Variants in MCF2L2 observed in about 807,000 individuals in gnomAD.
MCF2L2 encodes the protein probable guanine nucleotide exchange factor MCF2L2.
In MCF2L2, 102 loss-of-function variants were observed where a neutral mutation model predicts 150.2. The observed-to-expected ratio is 0.68, with a 90% CI of 0.58 to 0.80. MCF2L2 has a LOEUF of 0.80. Ranked by LOEUF, MCF2L2 falls within the 30% of genes least tolerant of loss-of-function variation. The pLI, the probability that MCF2L2 is intolerant of heterozygous loss-of-function variation, is 0.00. For missense variants in MCF2L2, 1,256 were observed against 1,372.8 expected (o/e 0.91, Z 1.34); for synonymous variants, 465 against 491.3 (o/e 0.95, Z 0.71).
intron 1 of MCF2L2, among the ~76,000 whole-genome samples, chr3:183,396,803 G>A (rs1714489894): frequency 6.6e-6 from 1 of 152,126 alleles, no homozygotes; most frequent in Admixed American, 6.5e-5. Flanking sequence ...GATGAGAAAG[G>A]AGGTTAGACA....
intron 24 of MCF2L2, 49 bp downstream of exon 24, chr3:183,206,073 A>G: frequency 6.3e-7 from 1 of 1,578,348 alleles, no homozygotes; most frequent in Non-Finnish European, 8.7e-7. Flanking sequence ...TCATGGGAAC[A>G]CAATAAGGAA....
chr3:183,381,957 T>G (rs1713551862), intron 2 of MCF2L2, among the ~76,000 whole-genome samples: 1 of 152,196 alleles, frequency 6.6e-6, no homozygotes, highest in African/African-American at 2.4e-5. Context: ...AATTGCATAA[T>G]CAACATTTGC....
intron 15 of MCF2L2, among the ~76,000 whole-genome samples, chr3:183,238,242 A>ATTTTT (rs539424224): frequency 8.9e-6 from 1 of 112,794 alleles, no homozygotes. Context: ...TTTTTTTGCG[A>ATTTTT]TTTTTTTTTT....
chr3:183,335,277 T>A (rs1730430888), intron 5 of MCF2L2, among the ~76,000 whole-genome samples: 3 of 152,086 alleles, frequency 2.0e-5, no homozygotes, highest in African/African-American at 7.2e-5. Context: ...ATATATTGTG[T>A]ATGGATCTCT....
At chr3:183,214,255 T>C (rs189985490) in intron 22 of MCF2L2, among the ~76,000 whole-genome samples, 405 of 152,284 alleles carry the variant, frequency 2.7e-3, no homozygotes, top group African/African-American at 9.1e-3. Flanking sequence ...TAACAAATTG[T>C]TCCCTTGACT....
intron 25 of MCF2L2, among the ~76,000 whole-genome samples, chr3:183,202,419 G>A (rs1182348266): frequency 6.6e-6 from 1 of 152,194 alleles, no homozygotes. Context: ...GACTCTAGAA[G>A]ACCATGCACA....
chr3:183,225,803 G>A (rs1004307803), intron 18 of MCF2L2: 2 of 152,194 alleles, frequency 1.3e-5, no homozygotes, highest in Non-Finnish European at 2.9e-5. Context: ...TATTGTCAAA[G>A]CACTTTTTAC....
At chr3:183,361,563 G>A (rs975305161) in intron 3 of MCF2L2, among the ~76,000 whole-genome samples, 2 of 152,048 alleles carry the variant, frequency 1.3e-5, no homozygotes, top group Non-Finnish European at 2.9e-5. Context: ...CTTCCCCTTC[G>A]CCTTCCACTG....
At chr3:183,317,704 C>G (rs1729656082) in intron 7 of MCF2L2, among the ~76,000 whole-genome samples, 1 of 152,174 alleles carries the variant, frequency 6.6e-6, no homozygotes, top group Non-Finnish European at 1.5e-5. Flanking sequence ...TTCTGTCTTG[C>G]TCTGTCCTGA....
intron 15 of MCF2L2, among the ~76,000 whole-genome samples, chr3:183,268,574 A>C (rs1726386228): frequency 6.6e-6 from 1 of 152,198 alleles, no homozygotes; most frequent in Non-Finnish European, 1.5e-5. Context: ...TGTAAAGAGA[A>C]ACAGGAACAG....
chr3:183,417,732 C>T (rs1290076274), intron 1 of MCF2L2, among the ~76,000 whole-genome samples: 2 of 152,130 alleles, frequency 1.3e-5, no homozygotes, highest in Non-Finnish European at 2.9e-5. Flanking sequence ...AAAGATACTA[C>T]CCGAAACTGG....
rs1721441994 is a variant in MCF2L2 at position 183,179,574 on chromosome 3, C to CA, written c.3221+2dup. 1 of 1,614,040 alleles carries CA rather than the reference C, an allele frequency of 6.2e-7. No homozygotes were observed. The highest frequency in any genetic ancestry group is 1.1e-5 in the South Asian group (1 of 91,068). ...CGCTTAGTCTTTCCTCGCTCACACT[C>CA]ACGTTTCCTCCTCATCGCGTTCTTC... On this transcript the variant is annotated splice_region_variant and intron_variant, in intron 29 of 29. Transcript: ENST00000328913. The surrounding 1 kb of genome is among the most constrained non-coding windows in gnomAD (Gnocchi z 4.2).
intron 19 of MCF2L2, among the ~76,000 whole-genome samples, chr3:183,223,700 G>C (rs1043895615): frequency 6.6e-6 from 1 of 152,172 alleles, no homozygotes; most frequent in Non-Finnish European, 1.5e-5. Flanking sequence ...TAGAAAGCAA[G>C]TTCACTAGAA....
intron 3 of MCF2L2, among the ~76,000 whole-genome samples, chr3:183,353,850 T>C (rs985603831): frequency 3.3e-5 from 5 of 152,180 alleles, no homozygotes; most frequent in Non-Finnish European, 5.9e-5. Context: ...AAGGCAGCCC[T>C]TTCCCCATAT....
chr3:183,304,081 T>C (rs777682094), intron 10 of MCF2L2, among the ~76,000 whole-genome samples: 10 of 152,168 alleles, frequency 6.6e-5, no homozygotes, highest in Non-Finnish European at 8.8e-5. Flanking sequence ...CATACTCCTC[T>C]GGGGCCAACT....
intron 25 of MCF2L2, among the ~76,000 whole-genome samples, chr3:183,203,463 G>C (rs1430246039): frequency 1.3e-5 from 2 of 152,160 alleles, no homozygotes; most frequent in Non-Finnish European, 2.9e-5. Flanking sequence ...AGAGTGGCTG[G>C]CTCAATAGCA....
intron 5 of MCF2L2, among the ~76,000 whole-genome samples, chr3:183,330,860 G>A (rs1481894974): frequency 6.6e-6 from 1 of 152,056 alleles, no homozygotes; most frequent in Admixed American, 6.6e-5. Context: ...TTCTGTTTTT[G>A]TCTATTTGGC....
intron 15 of MCF2L2, among the ~76,000 whole-genome samples, chr3:183,248,309 T>C (rs571219005): frequency 2.8e-4 from 42 of 152,106 alleles, no homozygotes; most frequent in Non-Finnish European, 5.1e-4. Context: ...ATCACATTAA[T>C]TTATCATAGA....
At chr3:183,310,565 A>G in intron 9 of MCF2L2, 1 of 295,228 alleles carries the variant, frequency 3.4e-6, no homozygotes, top group Non-Finnish European at 6.7e-6. Context: ...TGGGAGGCTG[A>G]GGTGGGAGGA....
Sources: gnomAD v4.1 joint callset for allele counts (sites outside exome capture counted in the v4.1 genomes callset) on GRCh38, gnomAD v4.1.1 for gene constraint, Gnocchi (gnomAD v3.1) non-coding constraint, MANE v1.5 for transcripts, NCBI Gene and HGNC (gene_info 2026-07-23, HGNC 2026-07-21) for gene names.